COBL: variants seen among roughly 807,000 people sequenced by gnomAD.
The protein encoded by COBL is cordon-bleu WH2 repeat protein.
A neutral mutation model predicts 98.8 loss-of-function variants in COBL; 51 were observed. That is an observed-to-expected ratio of 0.52 (90% CI 0.41 to 0.65). The LOEUF is 0.65. Ranked by LOEUF, COBL falls within the 30% of genes least tolerant of loss-of-function variation. The pLI, the probability that COBL is intolerant of heterozygous loss-of-function variation, is 0.00. For missense variants in COBL, 1,617 were observed against 1,617.5 expected (o/e 1.00, Z 0.01); for synonymous variants, 634 against 651.7 (o/e 0.97, Z 0.41).
chr7:51,247,150 C>A (rs569878899), intron 1 of COBL, among the ~76,000 whole-genome samples: 1 of 152,254 alleles, frequency 6.6e-6, no homozygotes, highest in South Asian at 2.1e-4. Context: ...CCATCTGCCA[C>A]GTTAAGTCAC....
At position 51,140,490 on chromosome 7, in the gene COBL, A is replaced by G. The variant is rs544146251; in HGVS notation, c.784-4159T>C. Among the ~76,000 whole-genome samples, 5 of 152,338 alleles carry G rather than the reference A, an allele frequency of 3.3e-5. No individual in the cohort carries two copies. In the South Asian group the frequency reaches 1.0e-3, roughly 32 times the overall value. On this transcript the variant is annotated intron_variant, in intron 5 of 12. Coordinates refer to ENST00000265136, the MANE Select transcript of COBL (RefSeq NM_015198.5). The stretch of plus-strand genomic sequence containing the variant: ...ATCATCTGCCACAAGTGCTTTTGAC[A>G]TGGGTCCTAATTTTAAATTTACACA...
intron 1 of COBL, among the ~76,000 whole-genome samples, chr7:51,314,830 T>C (rs1803380904): frequency 6.6e-6 from 1 of 152,224 alleles, no homozygotes; most frequent in Non-Finnish European, 1.5e-5. Flanking sequence ...AGTTTTACTT[T>C]GCAATTCAAA....
chr7:51,104,700 C>A (rs1332296747), intron 6 of COBL, among the ~76,000 whole-genome samples: 4 of 152,144 alleles, frequency 2.6e-5, no homozygotes, highest in Admixed American at 2.0e-4. Context: ...CCTGACATCA[C>A]CCCCAGAAAC....
chr7:51,311,270 C>T (rs1803010294), intron 1 of COBL, among the ~76,000 whole-genome samples: 1 of 152,186 alleles, frequency 6.6e-6, no homozygotes. Flanking sequence ...ATGAGGAGAG[C>T]AGAGGGAAGC....
Position 51,028,648 on chromosome 7 carries a change from G to A in COBL, c.2448C>T (p.Pro816=). 1.2e-6 allele frequency: 2 copies of A among 1,613,080 alleles called. No homozygotes were observed. The highest frequency in any genetic ancestry group is 2.2e-5 in the East Asian group (1 of 44,862). The change falls in exon 10 of 13, where the codon CCC becomes CCT. Residue 816 remains proline, a synonymous_variant. Coordinates refer to ENST00000265136, the MANE Select transcript of COBL (RefSeq NM_015198.5). Reference sequence around the variant, plus strand: ...CCTCATGGTGGGCAGACTTCTGCTGGGGCGATATTGGCTTGGGGTCTGCTT... The same window carrying A: ...CCTCATGGTGGGCAGACTTCTGCTGAGGCGATATTGGCTTGGGGTCTGCTT... ...RLQADPKPIS[P]QQKSAHHEGR... is the part of the protein sequence containing the mutation.
In COBL at chr7:51,219,749, G is replaced by A. The variant is rs149343412; in HGVS notation, c.237C>T (p.Leu79=). Residue 79 remains leucine, a synonymous_variant, in exon 2 of 13, where the codon CTC becomes CTT. Coordinates refer to ENST00000265136, the MANE Select transcript of COBL (RefSeq NM_015198.5). ...LPSGLEKRSV[L]NGSHAMMDLL... Reference sequence around the variant, plus strand: ...GCAGCACCGGCTCTCACCTCCCATTGAGCACGCTCCTCTTCTCCAGCCCAC... The same window carrying A: ...GCAGCACCGGCTCTCACCTCCCATTAAGCACGCTCCTCTTCTCCAGCCCAC... 39 of 1,613,790 alleles carry A rather than the reference G, an allele frequency of 2.4e-5. No individual in the cohort carries two copies. In the African/African-American group the frequency reaches 3.9e-4, roughly 16 times the overall value.
At chr7:51,190,333 C>T (rs1380437328) in intron 4 of COBL, among the ~76,000 whole-genome samples, 1 of 152,106 alleles carries the variant, frequency 6.6e-6, no homozygotes, top group African/African-American at 2.4e-5. Context: ...CTCAGCCTCT[C>T]CAGTAGATGG....
intron 11 of COBL, 52 bp downstream of exon 11, chr7:51,026,494 G>T: frequency 6.3e-7 from 1 of 1,598,512 alleles, no homozygotes; most frequent in Non-Finnish European, 8.5e-7. Context: ...CTCGGAAGAA[G>T]GGGTGGGTGG....
intron 6 of COBL, among the ~76,000 whole-genome samples, chr7:51,109,755 G>A (rs567012252): frequency 6.6e-6 from 1 of 152,272 alleles, no homozygotes; most frequent in East Asian, 1.9e-4. Context: ...CTCCTTCCCT[G>A]CACTCACAGA....
chr7:51,051,910 TTTG>T (rs893796717), intron 7 of COBL, among the ~76,000 whole-genome samples: 48 of 152,342 alleles, frequency 3.2e-4, no homozygotes, highest in African/African-American at 1.1e-3. Context: ...TAATGTGCTT[TTTG>T]TTGTTGTTGT....
chr7:51,158,879 C>T, intron 5 of COBL, among the ~76,000 whole-genome samples: 1 of 151,344 alleles, frequency 6.6e-6, no homozygotes, highest in East Asian at 2.0e-4. Context: ...ACAGGGAAGG[C>T]GTGGGGGACA....
chr7:51,284,931 C>G (rs375099416), intron 1 of COBL, among the ~76,000 whole-genome samples: 1 of 151,230 alleles, frequency 6.6e-6, no homozygotes, highest in East Asian at 2.0e-4. Flanking sequence ...AGTGTGTATT[C>G]TCACTACTTC....
intron 6 of COBL, among the ~76,000 whole-genome samples, chr7:51,088,666 T>C (rs1216801176): frequency 1.3e-5 from 2 of 152,174 alleles, no homozygotes; most frequent in Admixed American, 6.5e-5. Flanking sequence ...TCATGACTGA[T>C]TGTTTATAAT....
chr7:51,108,440 C>CA (rs1238958778), intron 6 of COBL, among the ~76,000 whole-genome samples: 3 of 152,174 alleles, frequency 2.0e-5, no homozygotes, highest in Admixed American at 2.0e-4. Context: ...TGTGAATACT[C>CA]ACGTGCATGG....
chr7:51,113,665 A>T (rs17554451), intron 6 of COBL, among the ~76,000 whole-genome samples: 16,689 of 152,222 alleles, frequency 0.11, 1,022 homozygotes, highest in South Asian at 0.21. Context: ...TGTCTGAATG[A>T]GTGCTTTTTA....
Position 51,068,100 on chromosome 7 carries a change from C to T in COBL, c.1096+17066G>A, listed in dbSNP as rs571316046. ...CAGCGGTTCTCAAGCCAGGCTTGAG[C>T]GGCAGAGGCGGTGGGCTGACCTCCT... On this transcript the variant is annotated intron_variant, in intron 7 of 12. Transcript: ENST00000265136. 2.6e-5 allele frequency among the ~76,000 whole-genome samples: 4 copies of T among 152,302 alleles called. 1 individual carries two copies. The South Asian group carries it at 8.3e-4, about 32-fold the overall frequency.
At chr7:51,232,837 A>G (rs1450957974) in intron 1 of COBL, among the ~76,000 whole-genome samples, 3 of 152,138 alleles carry the variant, frequency 2.0e-5, no homozygotes, top group African/African-American at 7.2e-5. Flanking sequence ...AAGAAAGAGC[A>G]ATCAGATATT....
intron 7 of COBL, among the ~76,000 whole-genome samples, chr7:51,050,262 T>C (rs1367622551): frequency 6.6e-6 from 1 of 152,232 alleles, no homozygotes; most frequent in South Asian, 2.1e-4. Context: ...TCAGCTCCTA[T>C]TTCTTCACTA....
In COBL at chr7:51,250,471, T is replaced by C. The variant is rs375395969; in HGVS notation, c.42-30527A>G. ...CTGTGGACAAATTTTATAAAGGCTA[T>C]CTTTATTTTTAAAAAATATTATTTA... On this transcript the variant is annotated intron_variant, in intron 1 of 12. Transcript: ENST00000265136. 2.2e-4 allele frequency among the ~76,000 whole-genome samples: 34 copies of C among 152,338 alleles called. 1 individual carries two copies. In the East Asian group the frequency reaches 6.5e-3, roughly 29 times the overall value.
Sources: gnomAD v4.1 joint callset for allele counts (sites outside exome capture counted in the v4.1 genomes callset) on GRCh38, gnomAD v4.1.1 for gene constraint, MANE v1.5 for transcripts, NCBI Gene and HGNC (gene_info 2026-07-23, HGNC 2026-07-21) for gene names.